The following NSD1 variants were observed in gnomAD, a reference collection of about 807,000 sequenced individuals.
The protein encoded by NSD1 is histone-lysine N-methyltransferase, H3 lysine-36 specific.
Under a neutral mutation model 242.7 loss-of-function variants are expected in NSD1, and 26 were observed. The ratio of observed to expected loss-of-function variants is 0.11; its 90% CI spans 0.08 to 0.15. The LOEUF (loss-of-function observed/expected upper bound fraction) is 0.15. Ranked by LOEUF, NSD1 falls within the 10% of genes least tolerant of loss-of-function variation. The pLI is 1.00. For synonymous variants in NSD1, 1,106 were observed against 1,178.1 expected, an observed-to-expected ratio of 0.94 and a Z score of 1.25; for missense variants, 2,495 against 3,272.8, an observed-to-expected ratio of 0.76 and a Z score of 5.80.
rs1759868887 is a variant in NSD1 at position 177,291,961 on chromosome 5, C to G, written c.6266C>G (p.Pro2089Arg). Reference protein sequence around the residue: ...GFLGVRPKNQPIATEEKSKKF... With the variant: ...GFLGVRPKNQRIATEEKSKKF... ...TCAATATCTGACCTGTAGAATCAAC[C>G]CATTGCCACGGAAGAAAAGTCAAAG... The change falls in exon 22 of 23, where the codon CCC (proline) becomes CGC (arginine). Residue 2089 changes from proline (P) to arginine (R), a missense_variant. Around this residue, in one of 19 missense-constraint regions of NSD1, gnomAD observed 26 missense variants for 119.1 expected, o/e 0.22. Coordinates refer to ENST00000439151, the MANE Select transcript of NSD1 (RefSeq NM_022455.5). 1 of 1,613,420 alleles carries G rather than the reference C, an allele frequency of 6.2e-7. No individual in the cohort carries two copies. The highest frequency in any genetic ancestry group is 1.3e-5 in the African/African-American group (1 of 74,890).
At chr5:177,291,080 T>C (rs1445083040) in intron 21 of NSD1, among the ~76,000 whole-genome samples, 1 of 152,174 alleles carries the variant, frequency 6.6e-6, no homozygotes. Context: ...TGGGTTAAAA[T>C]GAAGAATGTG....
intron 15 of NSD1, among the ~76,000 whole-genome samples, chr5:177,268,491 AAT>A (rs1757699433): frequency 6.6e-6 from 1 of 152,154 alleles, no homozygotes; most frequent in Admixed American, 6.5e-5. Context: ...AAAATTAAAA[AAT>A]ATATTTTGAT....
chr5:177,173,673 A>G (rs971591403), intron 2 of NSD1, among the ~76,000 whole-genome samples: 2 of 151,954 alleles, frequency 1.3e-5, no homozygotes, highest in African/African-American at 2.4e-5. Flanking sequence ...GGATTTCCCC[A>G]TGTTGGTCAG....
chr5:177,269,504 G>A lies in NSD1; in HGVS notation c.5304-98G>A. ...CGTAAGATGGACTTTAATGTGGACA[G>A]ACAGACATTGCTAATCCTTACTTTT... On this transcript the variant is annotated intron_variant, in intron 15 of 22. Coordinates refer to ENST00000439151, the MANE Select transcript of NSD1 (RefSeq NM_022455.5). The surrounding 1 kb of genome is among the most constrained non-coding windows in gnomAD (Gnocchi z 5.1). 9.6e-7 allele frequency: 1 copy of A among 1,039,114 alleles called. No homozygotes were observed. The highest frequency in any genetic ancestry group is 1.5e-6 in the Non-Finnish European group (1 of 679,558). 64.4% of individuals were successfully genotyped at this position (1,039,114 alleles called of 1,614,324 possible). A position where few individuals can be genotyped will look rare whatever the true frequency, so the allele number is the denominator to read the frequency against.
chr5:177,176,042 A>G (rs1760167995), intron 2 of NSD1, among the ~76,000 whole-genome samples: 1 of 151,804 alleles, frequency 6.6e-6, no homozygotes, highest in South Asian at 2.1e-4. Context: ...TGCCCAGCTA[A>G]TTTTTGTAGT....
intron 14 of NSD1, among the ~76,000 whole-genome samples, chr5:177,260,407 C>T (rs1756904721): frequency 7.7e-6 from 1 of 130,564 alleles, no homozygotes; most frequent in Non-Finnish European, 1.6e-5. Context: ...AGTGCTATGG[C>T]ACAATCTCAG....
At chr5:177,161,121 T>C (rs1270965584) in intron 2 of NSD1, among the ~76,000 whole-genome samples, 1 of 152,108 alleles carries the variant, frequency 6.6e-6, no homozygotes, top group African/African-American at 2.4e-5. Flanking sequence ...TGGGGGCTGA[T>C]GCCTGTGATC....
chr5:177,212,221 A>G, intron 5 of NSD1, 26 bp downstream of exon 5: 1 of 1,608,572 alleles, frequency 6.2e-7, no homozygotes, highest in Non-Finnish European at 8.5e-7. Context: ...TGTGATAAAA[A>G]AAAAAAAATT....
At chr5:177,263,168 A>T (rs1757127280) in intron 14 of NSD1, among the ~76,000 whole-genome samples, 1 of 152,226 alleles carries the variant, frequency 6.6e-6, no homozygotes, top group Non-Finnish European at 1.5e-5. Context: ...TGTGTCATGG[A>T]CGTGATCGTC....
chr5:177,152,103 G>C (rs952766692), intron 2 of NSD1, among the ~76,000 whole-genome samples: 1 of 151,924 alleles, frequency 6.6e-6, no homozygotes, highest in African/African-American at 2.4e-5. Flanking sequence ...CTCATGATCC[G>C]CCTGCCTTGG....
intron 12 of NSD1, 147 bp downstream of exon 12, chr5:177,252,000 A>C: frequency 1.0e-6 from 1 of 958,700 alleles, no homozygotes; most frequent in Non-Finnish European, 1.6e-6. Flanking sequence ...CACTGCTTTC[A>C]GAAAAGCTAC....
intron 2 of NSD1, among the ~76,000 whole-genome samples, chr5:177,178,007 A>G (rs1039294679): frequency 2.0e-5 from 3 of 151,372 alleles, no homozygotes; most frequent in Admixed American, 6.6e-5. Context: ...TGATTCTCAT[A>G]CTACAACCTC....
Position 177,135,844 on chromosome 5 carries a change from C to T in NSD1, c.741C>T (p.Ser247=), listed in dbSNP as rs1406194012. The change falls in exon 2 of 23, where the codon AGC becomes AGT. Residue 247 remains serine (S), a synonymous_variant. Transcript: ENST00000439151. ...AGCAAAGAAATGAAGTGGACGGCAG[C>T]AATGAAAAAGCAGCCCTTCTCCCAG... ...KNKQRNEVDG[S]NEKAALLPAP... is the part of the protein sequence containing the mutation. 3 of 1,605,326 alleles carry T rather than the reference C, an allele frequency of 1.9e-6. No homozygotes were observed. In the South Asian group the frequency reaches 3.3e-5, roughly 18 times the overall value.
At chr5:177,264,421 T>C (rs1254913827) in intron 14 of NSD1, among the ~76,000 whole-genome samples, 1 of 152,220 alleles carries the variant, frequency 6.6e-6, no homozygotes, top group African/African-American at 2.4e-5. Context: ...TCCACAGTTC[T>C]GAACAGGTTA....
intron 12 of NSD1, among the ~76,000 whole-genome samples, chr5:177,255,703 C>T (rs1756381486): frequency 6.6e-6 from 1 of 152,106 alleles, no homozygotes; most frequent in Non-Finnish European, 1.5e-5. Context: ...GTGCCTCAGC[C>T]TCTGTATTAG....
At chr5:177,205,037 T>G (rs1197562156) in intron 4 of NSD1, among the ~76,000 whole-genome samples, 1 of 152,074 alleles carries the variant, frequency 6.6e-6, no homozygotes, top group African/African-American at 2.4e-5. Context: ...TTTTTGTTTG[T>G]TTGTTTCTTT....
intron 14 of NSD1, among the ~76,000 whole-genome samples, chr5:177,262,333 G>T (rs766321656): frequency 6.7e-6 from 1 of 150,004 alleles, no homozygotes. Flanking sequence ...CGAACACGGT[G>T]GTGCATGCCT....
intron 14 of NSD1, chr5:177,266,108 CG>C: frequency 8.9e-7 from 1 of 1,124,838 alleles, no homozygotes; most frequent in Non-Finnish European, 1.4e-6. Flanking sequence ...CAGTGTGGCC[CG>C]TTCTGGGAAG....
chr5:177,158,296 T>TCTTC (rs1758356774), intron 2 of NSD1, among the ~76,000 whole-genome samples: 1 of 127,126 alleles, frequency 7.9e-6, no homozygotes, highest in Non-Finnish European at 1.7e-5. Flanking sequence ...TTTCTTTCTT[T>TCTTC]CTTTCTTTTC....
Sources: allele counts gnomAD v4.1 joint callset (sites outside exome capture counted in the v4.1 genomes callset), GRCh38; gene constraint gnomAD v4.1.1; regional missense constraint gnomAD v4.1.1; non-coding constraint Gnocchi (gnomAD v3.1); transcripts MANE v1.5; gene names NCBI Gene and HGNC (gene_info 2026-07-23, HGNC 2026-07-21).